Variants in GRID1 observed in about 807,000 individuals in gnomAD.
The protein encoded by GRID1 is glutamate receptor ionotropic, delta-1.
In GRID1, 28 loss-of-function variants were observed where a neutral mutation model predicts 98.0. That is an observed-to-expected ratio of 0.29 (90% CI 0.21 to 0.39). The LOEUF is 0.39. Among genes scored for constraint, GRID1 ranks in the 10% least tolerant of loss-of-function variants. The probability of loss-of-function intolerance (pLI) is 1.00; values close to 1 mark genes in which losing one functional copy is unlikely to be tolerated. For missense variants in GRID1, 1,111 were observed against 1,340.5 expected (o/e 0.83, Z 2.67); for synonymous variants, 553 against 538.5 (o/e 1.03, Z -0.37).
At chr10:86,044,527 C>T (rs765479456) in intron 4 of GRID1, among the ~76,000 whole-genome samples, 23 of 152,142 alleles carry the variant, frequency 1.5e-4, no homozygotes, top group African/African-American at 2.2e-4. Flanking sequence ...GCATGTCCAC[C>T]GAGGGTGAAT....
rs868104434 is a variant in GRID1 at position 85,882,235 on chromosome 10, T to A, written c.781-13055A>T. Among the ~76,000 whole-genome samples, 631 of 152,122 alleles carry A rather than the reference T, an allele frequency of 4.1e-3. 7 individuals are homozygous for A. Among genetic ancestry groups the A allele is most frequent in the African/African-American group, 0.015 (603 of 41,502 alleles). On this transcript the variant is annotated intron_variant, in intron 5 of 15. Coordinates refer to ENST00000327946, the MANE Select transcript of GRID1 (RefSeq NM_017551.3). ...TGTGGCGATTCCTCAGGGATCTAGA[T>A]CTAGAAATACCATTTGACCCAGCCA...
intron 2 of GRID1, among the ~76,000 whole-genome samples, chr10:86,342,487 C>T (rs1490301415): frequency 6.6e-6 from 1 of 152,238 alleles, no homozygotes; most frequent in African/African-American, 2.4e-5. Flanking sequence ...TTTTGGGCAA[C>T]TTGGCTGGCC....
chr10:86,063,642 G>GA (rs1168358970), intron 4 of GRID1, among the ~76,000 whole-genome samples: 7 of 152,272 alleles, frequency 4.6e-5, no homozygotes, highest in Admixed American at 4.6e-4. Context: ...GCAGCTTTTA[G>GA]AAATAAAAAT....
chr10:86,169,816 C>A (rs1845455962), intron 3 of GRID1, among the ~76,000 whole-genome samples: 1 of 152,212 alleles, frequency 6.6e-6, no homozygotes, highest in Admixed American at 6.5e-5. Flanking sequence ...GATGTCCCAT[C>A]CTGGGAGATT....
chr10:85,981,919 G>T (rs767547292), intron 4 of GRID1, among the ~76,000 whole-genome samples: 1 of 152,210 alleles, frequency 6.6e-6, no homozygotes, highest in Non-Finnish European at 1.5e-5. Context: ...TTCAGGCAGG[G>T]TGGTCAGGAA....
chr10:86,165,307 T>C (rs555262444), intron 3 of GRID1, among the ~76,000 whole-genome samples: 22 of 152,346 alleles, frequency 1.4e-4, no homozygotes, highest in African/African-American at 4.8e-4. Flanking sequence ...TGTCAAAGCA[T>C]CTGCAAGTTT....
intron 8 of GRID1, among the ~76,000 whole-genome samples, chr10:85,811,250 G>A (rs1842668351): frequency 2.6e-5 from 4 of 152,122 alleles, no homozygotes; most frequent in African/African-American, 9.7e-5. Flanking sequence ...CTTTTCCTAT[G>A]AAACCTATTC....
At chr10:85,911,413 C>T (rs948957923) in intron 5 of GRID1, among the ~76,000 whole-genome samples, 1 of 152,056 alleles carries the variant, frequency 6.6e-6, no homozygotes, top group East Asian at 1.9e-4. Context: ...TTGGAATGGA[C>T]GTGAGATGTG....
At position 85,704,531 on chromosome 10, in the gene GRID1, C is replaced by A. The variant is rs528033767; in HGVS notation, c.1997+18472G>T. Among the ~76,000 whole-genome samples the A allele has an allele frequency of 2.0e-5, 3 of 152,352 alleles. No homozygotes were observed. The South Asian group carries it at 6.2e-4, about 32-fold the overall frequency. ...ACACAATAATAATGGGATACTTTAA[C>A]ATCCCACTGTCAACATTAGACAGAT... On this transcript the variant is annotated intron_variant, in intron 12 of 15. Transcript: ENST00000327946.
chr10:85,844,610 T>C (rs1294123320), intron 8 of GRID1, among the ~76,000 whole-genome samples: 2 of 152,150 alleles, frequency 1.3e-5, no homozygotes, highest in African/African-American at 2.4e-5. Context: ...CTCTCTATAC[T>C]ATTTATTAAA....
chr10:86,134,556 C>T (rs1844887674), intron 4 of GRID1, among the ~76,000 whole-genome samples: 1 of 152,170 alleles, frequency 6.6e-6, no homozygotes, highest in Admixed American at 6.5e-5. Context: ...CCCAAGAACA[C>T]ATCAGTCCTG....
intron 2 of GRID1, among the ~76,000 whole-genome samples, chr10:86,210,791 T>C (rs1846097502): frequency 6.6e-6 from 1 of 152,254 alleles, no homozygotes; most frequent in East Asian, 1.9e-4. Flanking sequence ...GTTGAAATGA[T>C]GGTTATTTGG....
chr10:85,879,409 G>GT (rs1481386043), intron 5 of GRID1, among the ~76,000 whole-genome samples: 1 of 152,058 alleles, frequency 6.6e-6, no homozygotes, highest in African/African-American at 2.4e-5. Flanking sequence ...AACAGAAATT[G>GT]TAACAAACTG....
intron 2 of GRID1, among the ~76,000 whole-genome samples, chr10:86,224,915 C>G (rs1339536041): frequency 1.3e-5 from 2 of 152,242 alleles, no homozygotes; most frequent in African/African-American, 4.8e-5. Context: ...TCATCACCCT[C>G]TGCCTCCACC....
chr10:85,711,843 A>G (rs2132636921), intron 12 of GRID1, among the ~76,000 whole-genome samples: 1 of 151,918 alleles, frequency 6.6e-6, no homozygotes, highest in African/African-American at 2.4e-5. Flanking sequence ...GTTTTATAAA[A>G]GAATTAAGGT....
chr10:86,098,279 T>TCG (rs1456934314), intron 4 of GRID1, among the ~76,000 whole-genome samples: 1 of 152,258 alleles, frequency 6.6e-6, no homozygotes, highest in Non-Finnish European at 1.5e-5. Context: ...TATTTGGCTT[T>TCG]ATGCAAAGAT....
chr10:85,737,170 G>A (rs1841891200), intron 8 of GRID1, among the ~76,000 whole-genome samples: 1 of 152,100 alleles, frequency 6.6e-6, no homozygotes, highest in South Asian at 2.1e-4. Flanking sequence ...CTTTGCACAA[G>A]GAATTGAGCC....
At chr10:86,004,712 G>GTC (rs1216812335) in intron 4 of GRID1, among the ~76,000 whole-genome samples, 3 of 131,362 alleles carry the variant, frequency 2.3e-5, no homozygotes, top group East Asian at 2.2e-4. Flanking sequence ...ATCTCTCTCT[G>GTC]TCTCTCTCTC....
chr10:86,009,884 A>G (rs1368988437), intron 4 of GRID1, among the ~76,000 whole-genome samples: 1 of 152,218 alleles, frequency 6.6e-6, no homozygotes, highest in Non-Finnish European at 1.5e-5. Flanking sequence ...CATAGGCAAG[A>G]AAGTTACCAG....
Sources: allele counts gnomAD v4.1 joint callset (sites outside exome capture counted in the v4.1 genomes callset), GRCh38; gene constraint gnomAD v4.1.1; transcripts MANE v1.5; gene names NCBI Gene and HGNC (gene_info 2026-07-23, HGNC 2026-07-21).